EBPL: variants seen among roughly 807,000 people sequenced by gnomAD.
EBPL encodes EBP like, also known as emopamil-binding protein-like.
EBPL carries 20 observed loss-of-function variants against 19.0 expected under a neutral mutation model. That is an observed-to-expected ratio of 1.05 (90% confidence interval 0.74 to 1.53). The LOEUF (loss-of-function observed/expected upper bound fraction) is 1.53, where lower values mean the gene tolerates loss of function less well. EBPL is among the 40% of genes most tolerant of loss of function. The pLI is 0.00. For missense variants in EBPL, 219 were observed against 261.1 expected (o/e 0.84, Z 1.11); for synonymous variants, 107 against 117.0 (o/e 0.91, Z 0.55).
intron 2 of EBPL, among the ~76,000 whole-genome samples, chr13:49,668,964 C>A (rs759038166): frequency 6.6e-6 from 1 of 150,546 alleles, no homozygotes. Context: ...ACTGCAAGCT[C>A]CACCTCCTGG....
At chr13:49,672,259 T>C (rs1301802189) in intron 1 of EBPL, among the ~76,000 whole-genome samples, 1 of 152,250 alleles carries the variant, frequency 6.6e-6, no homozygotes, top group Admixed American at 6.5e-5. Flanking sequence ...AAGAGGCTTT[T>C]AGACTGCCCT....
chr13:49,668,506 G>A (rs1163624605), intron 2 of EBPL: 15 of 284,726 alleles, frequency 5.3e-5, no homozygotes, highest in African/African-American at 9.3e-5. Flanking sequence ...CCTGGGAGGC[G>A]GAGCTTGCAG....
At chr13:49,681,206 C>T (rs1953939436) in intron 1 of EBPL, among the ~76,000 whole-genome samples, 1 of 152,108 alleles carries the variant, frequency 6.6e-6, no homozygotes, top group Non-Finnish European at 1.5e-5. Flanking sequence ...AATTGAGCTG[C>T]TAACAAAATC....
intron 1 of EBPL, among the ~76,000 whole-genome samples, chr13:49,689,771 C>T (rs2137515999): frequency 1.3e-5 from 2 of 152,298 alleles, no homozygotes; most frequent in South Asian, 4.1e-4. Context: ...TTTTGTTATA[C>T]ATTTTTTCTA....
At chr13:49,675,276 GTA>G (rs1953863923) in intron 1 of EBPL, among the ~76,000 whole-genome samples, 1 of 152,180 alleles carries the variant, frequency 6.6e-6, no homozygotes, top group Non-Finnish European at 1.5e-5. Flanking sequence ...TAACACAATG[GTA>G]TTTGTGCACC....
At chr13:49,664,121 G>A (rs1388809541) in intron 2 of EBPL, among the ~76,000 whole-genome samples, 4 of 151,566 alleles carry the variant, frequency 2.6e-5, no homozygotes, top group Non-Finnish European at 5.9e-5. Context: ...GCGTGGTGGC[G>A]CATGCCTGTA....
chr13:49,686,338 C>T, intron 1 of EBPL: 2 of 970,494 alleles, frequency 2.1e-6, no homozygotes, highest in Non-Finnish European at 2.7e-6. Context: ...TTCCTCCGCC[C>T]ACCACCAAAC....
chr13:49,691,356 C>A lies in EBPL; in HGVS notation c.69G>T (p.Ala23=). 1 of 1,356,008 alleles carries A rather than the reference C, an allele frequency of 7.4e-7. No individual in the cohort carries two copies. Among genetic ancestry groups the A allele is most frequent in the Non-Finnish European group, 9.5e-7 (1 of 1,050,892 alleles). 84.0% of individuals were successfully genotyped at this position (1,356,008 alleles called of 1,614,324 possible). A position where few individuals can be genotyped will look rare whatever the true frequency, so the allele number is the denominator to read the frequency against. ...GGCGCAGGCCCAGGGCGCAGCCCGC[C>A]GCCAGCAGCGCGGCGCACAGCAGCA... ...GSLLLCAALL[A]AGCALGLRLG... Residue 23 remains alanine, a synonymous_variant, in exon 1 of 4, where the codon GCG becomes GCT. Transcript: ENST00000242827.
intron 3 of EBPL, 136 bp from the exon 4 acceptor site, chr13:49,661,344 G>C: frequency 1.4e-6 from 1 of 707,144 alleles, no homozygotes; most frequent in Non-Finnish European, 2.4e-6. Flanking sequence ...CTCAGATGTT[G>C]GGTGGTGCTA....
intron 1 of EBPL, among the ~76,000 whole-genome samples, chr13:49,687,023 T>C (rs1346728603): frequency 2.0e-5 from 3 of 152,144 alleles, no homozygotes; most frequent in African/African-American, 7.2e-5. Context: ...GCAAGGCTGG[T>C]CTCGCAACTC....
intron 1 of EBPL, among the ~76,000 whole-genome samples, chr13:49,688,276 T>C (rs1954020365): frequency 6.6e-6 from 1 of 152,102 alleles, no homozygotes; most frequent in South Asian, 2.1e-4. Context: ...GCTGAACTGA[T>C]GACCAGTGCT....
intron 2 of EBPL, among the ~76,000 whole-genome samples, chr13:49,663,958 A>C (rs944206227): frequency 2.0e-5 from 3 of 149,114 alleles, no homozygotes; most frequent in Non-Finnish European, 4.5e-5. Context: ...AACAACCAAA[A>C]ACTTGTTTCT....
intron 3 of EBPL, among the ~76,000 whole-genome samples, chr13:49,662,777 C>T (rs1008128531): frequency 1.3e-5 from 2 of 152,056 alleles, no homozygotes; most frequent in Non-Finnish European, 2.9e-5. Context: ...GGACTACAGG[C>T]GTGTGCCACC....
At chr13:49,684,654 GAAC>G (rs199780177) in intron 1 of EBPL, among the ~76,000 whole-genome samples, 2,164 of 152,244 alleles carry the variant, frequency 0.014, 21 homozygotes, top group Non-Finnish European at 0.024. Flanking sequence ...CAGCCTGGGC[GAAC>G]AGAGTGAGAC....
intron 3 of EBPL, 45 bp from the exon 4 acceptor site, chr13:49,661,253 A>C: frequency 6.7e-7 from 1 of 1,500,648 alleles, no homozygotes; most frequent in Non-Finnish European, 9.2e-7. Context: ...AGCTTGGCAC[A>C]GTTTGGCATC....
chr13:49,672,807 C>T (rs1347326595), intron 1 of EBPL, among the ~76,000 whole-genome samples: 1 of 152,182 alleles, frequency 6.6e-6, no homozygotes, highest in Non-Finnish European at 1.5e-5. Flanking sequence ...CGCCTGTAAT[C>T]CCAGCACTTT....
At chr13:49,687,238 A>C (rs536171895) in intron 1 of EBPL, among the ~76,000 whole-genome samples, 1 of 152,142 alleles carries the variant, frequency 6.6e-6, no homozygotes, top group Non-Finnish European at 1.5e-5. Flanking sequence ...CCCAATCTAC[A>C]AGTGGCCACT....
At position 49,691,418 on chromosome 13, in the gene EBPL, C is replaced by G; in HGVS notation, c.7G>C (p.Ala3Pro). The change falls in exon 1 of 4, where the codon GCT (alanine) becomes CCT (proline). Residue 3 changes from alanine to proline, a missense_variant. Ala to Pro is a conservative substitution (Grantham distance 27, BLOSUM62 -1). Coordinates refer to ENST00000242827, the MANE Select transcript of EBPL (RefSeq NM_032565.5). MG[A>P]EWELGAEAGG... ...GCCTCGGCCCCCAGCTCCCACTCAGCGCCCATGCTTCAGGCTTCCGACGCC... is the reference window on the plus strand; with the variant it reads ...GCCTCGGCCCCCAGCTCCCACTCAGGGCCCATGCTTCAGGCTTCCGACGCC... 7.5e-7 allele frequency: 1 copy of G among 1,341,404 alleles called. No individual in the cohort carries two copies. The highest frequency in any genetic ancestry group is 2.8e-5 in the East Asian group (1 of 35,938). 83.1% of individuals were successfully genotyped at this position (1,341,404 alleles called of 1,614,324 possible).
At chr13:49,682,672 C>T (rs776418396) in intron 1 of EBPL, among the ~76,000 whole-genome samples, 12 of 152,216 alleles carry the variant, frequency 7.9e-5, no homozygotes, top group Non-Finnish European at 1.8e-4. Flanking sequence ...AGTTATAAGG[C>T]TTTATTTAAT....
Sources: allele counts gnomAD v4.1 joint callset (sites outside exome capture counted in the v4.1 genomes callset), GRCh38; gene constraint gnomAD v4.1.1; transcripts MANE v1.5; gene names NCBI Gene and HGNC (gene_info 2026-07-23, HGNC 2026-07-21).